PLEKHG1: variants seen among roughly 807,000 people sequenced by gnomAD.
PLEKHG1 encodes the protein pleckstrin homology and RhoGEF domain containing G1, also known as pleckstrin homology domain-containing family G member 1.
Under a neutral mutation model 100.8 loss-of-function variants are expected in PLEKHG1, and 44 were observed. The observed-to-expected ratio is 0.44, with a 90% confidence interval of 0.34 to 0.56. PLEKHG1 has a LOEUF of 0.56. Among genes scored for constraint, PLEKHG1 ranks in the 20% least tolerant of loss-of-function variants. The pLI, the probability that PLEKHG1 is intolerant of heterozygous loss-of-function variation, is 0.01. For missense variants in PLEKHG1, 1,545 were observed against 1,720.9 expected (o/e 0.90, Z 1.81); for synonymous variants, 640 against 662.5 (o/e 0.97, Z 0.52).
chr6:150,742,171 C>T (rs1247418083), intron 2 of PLEKHG1, among the ~76,000 whole-genome samples: 1 of 152,214 alleles, frequency 6.6e-6, no homozygotes, highest in Non-Finnish European at 1.5e-5. Flanking sequence ...GATGGTTCTG[C>T]AGGCTTTACA....
At chr6:150,764,681 CT>C (rs1287983783) in intron 2 of PLEKHG1, among the ~76,000 whole-genome samples, 2 of 152,126 alleles carry the variant, frequency 1.3e-5, no homozygotes, top group African/African-American at 4.8e-5. Context: ...TACCCTGTGC[CT>C]TTGTTTACCC....
At chr6:150,773,015 G>T (rs779593746) in intron 3 of PLEKHG1, among the ~76,000 whole-genome samples, 1 of 152,054 alleles carries the variant, frequency 6.6e-6, no homozygotes, top group Non-Finnish European at 1.5e-5. Context: ...ATTGTATAAC[G>T]TGTAAGTTTG....
intron 2 of PLEKHG1, among the ~76,000 whole-genome samples, chr6:150,741,259 T>C (rs974661716): frequency 5.9e-5 from 9 of 152,072 alleles, no homozygotes; most frequent in African/African-American, 1.2e-4. Flanking sequence ...ATTTGCAGAG[T>C]TGCTCTGCAA....
chr6:150,659,557 A>T (rs1350017352), intron 3 of PLEKHG1, among the ~76,000 whole-genome samples: 1 of 152,214 alleles, frequency 6.6e-6, no homozygotes, highest in Non-Finnish European at 1.5e-5. Flanking sequence ...TGCCATAGTG[A>T]GTGCCTGGCC....
chr6:150,780,867 TTTTG>T (rs932935989), intron 3 of PLEKHG1, among the ~76,000 whole-genome samples: 112 of 151,916 alleles, frequency 7.4e-4, no homozygotes, highest in African/African-American at 2.5e-3. Context: ...GCAGGGGGTT[TTTTG>T]TTTGTTTGTT....
At chr6:150,840,228 A>G (rs1199972053) in exon 16 of PLEKHG1, 2 of 1,614,200 alleles carry the variant, frequency 1.2e-6, no homozygotes, top group Admixed American at 3.3e-5. Flanking sequence ...CCATCTTTAC[A>G]ACTCCTTGGG....
At chr6:150,794,591 C>T (rs1786204606) in intron 4 of PLEKHG1, among the ~76,000 whole-genome samples, 1 of 151,970 alleles carries the variant, frequency 6.6e-6, no homozygotes, top group Non-Finnish European at 1.5e-5. Flanking sequence ...TGCTTGAACC[C>T]AGGAGGCAGA....
chr6:150,810,917 T>C (rs779913082), intron 10 of PLEKHG1, among the ~76,000 whole-genome samples: 9 of 151,202 alleles, frequency 6.0e-5, no homozygotes, highest in Non-Finnish European at 1.0e-4. Context: ...CAAGATCCTG[T>C]CTCAAGAAAA....
intron 11 of PLEKHG1, 150 bp from the exon 13 acceptor site, chr6:150,819,529 G>A (rs933792859): frequency 2.7e-5 from 11 of 404,844 alleles, no homozygotes; most frequent in Admixed American, 4.0e-5. Flanking sequence ...TCATGCCACC[G>A]CACTTCAGCG....
intron 2 of PLEKHG1, among the ~76,000 whole-genome samples, chr6:150,760,037 C>T (rs773422891): frequency 1.3e-4 from 20 of 152,094 alleles, no homozygotes; most frequent in Non-Finnish European, 2.8e-4. Context: ...TGATAAATAG[C>T]AGTGAGGAGT....
rs1482874050 is a variant in PLEKHG1, at chr6:150,801,432, CTTTTCTTT to C, written c.780+568_780+575del. On this transcript the variant is annotated intron_variant, in intron 6 of 15. Coordinates refer to ENST00000358517, the Ensembl canonical transcript of PLEKHG1. ...TAGCTCTTAAATTCTTTTTTCTTTT[CTTTTCTTT>C]TTTTTTTTTTTTTTTGAGACAGGGT... Among the ~76,000 whole-genome samples, 356 of 125,876 alleles carry C rather than the reference CTTTTCTTT, an allele frequency of 2.8e-3. 1 individual carries two copies. The highest frequency in any genetic ancestry group is 9.7e-3 in the African/African-American group (332 of 34,076). 82.6% of individuals were successfully genotyped at this position (125,876 alleles called of 152,430 possible).
intron 2 of PLEKHG1, among the ~76,000 whole-genome samples, chr6:150,736,347 A>G (rs981315342): frequency 6.6e-6 from 1 of 152,282 alleles, no homozygotes; most frequent in East Asian, 1.9e-4. Flanking sequence ...CTCTGCAGCC[A>G]TGCCTGGCAC....
At chr6:150,699,484 T>G (rs895140090) in intron 3 of PLEKHG1, among the ~76,000 whole-genome samples, 1 of 152,206 alleles carries the variant, frequency 6.6e-6, no homozygotes, top group Non-Finnish European at 1.5e-5. Flanking sequence ...GAAGAGACAT[T>G]TTAGACTCTG....
intron 3 of PLEKHG1, among the ~76,000 whole-genome samples, chr6:150,689,156 T>G (rs1780251498): frequency 6.6e-6 from 1 of 152,232 alleles, no homozygotes; most frequent in South Asian, 2.1e-4. Context: ...ATTTGTCCTT[T>G]TCTGTTTGAC....
At chr6:150,776,004 C>T (rs1234446139) in intron 3 of PLEKHG1, among the ~76,000 whole-genome samples, 1 of 152,062 alleles carries the variant, frequency 6.6e-6, no homozygotes, top group Non-Finnish European at 1.5e-5. Context: ...GCTGCTCAGA[C>T]CGGAAGGGGA....
chr6:150,818,116 T>C, intron 10 of PLEKHG1, 67 bp from the exon 12 acceptor site: 1 of 1,122,762 alleles, frequency 8.9e-7, no homozygotes. Flanking sequence ...ATAAGATCTG[T>C]GTTGAGATTT....
intron 3 of PLEKHG1, among the ~76,000 whole-genome samples, chr6:150,673,615 T>TTTCTTTCCTTCCTTCC (rs1189936992): frequency 1.3e-5 from 2 of 151,994 alleles, no homozygotes; most frequent in South Asian, 4.2e-4. Context: ...TCTTCCTGTC[T>TTTCTTTCCTTCCTTCC]TTCTTTCCTT....
chr6:150,664,855 A>G lies in PLEKHG1; in HGVS notation c.-99+14069A>G, dbSNP rs1046031478. Among the ~76,000 whole-genome samples the G allele has an allele frequency of 1.4e-4, 21 of 152,132 alleles. No homozygotes were observed. The South Asian group carries it at 1.5e-3, about 11-fold the overall frequency. On this transcript the variant is annotated intron_variant, in intron 3 of 3. Transcript: ENST00000367326. ...TGGGGGAGATGCTTCTATCTCGGGG[A>G]GTTTTAAGTGACAGTTACTCTATCA...
intron 3 of PLEKHG1, among the ~76,000 whole-genome samples, chr6:150,689,442 A>G (rs1034785319): frequency 1.3e-5 from 2 of 152,208 alleles, no homozygotes; most frequent in Non-Finnish European, 2.9e-5. Flanking sequence ...CCATATGTTA[A>G]TCTTTGTTAA....
Sources: allele counts gnomAD v4.1 joint callset (sites outside exome capture counted in the v4.1 genomes callset), GRCh38; gene constraint gnomAD v4.1.1; transcripts MANE v1.5; gene names NCBI Gene and HGNC (gene_info 2026-07-23, HGNC 2026-07-21).